Variants in EVC observed in about 807,000 individuals in gnomAD.
EVC encodes the protein evC complex member EVC.
Under a neutral mutation model 118.9 loss-of-function variants are expected in EVC, and 116 were observed. That is an observed-to-expected ratio of 0.98 (90% CI 0.84 to 1.14). The LOEUF (loss-of-function observed/expected upper bound fraction) is 1.14. Among genes scored for constraint, EVC ranks in the 50% most tolerant of loss-of-function variants. The pLI is 0.00. For synonymous variants in EVC, 619 were observed against 534.7 expected, an observed-to-expected ratio of 1.16 and a Z score of -2.18; for missense variants, 1,401 against 1,246.4, an observed-to-expected ratio of 1.12 and a Z score of -1.87.
At chr4:5,796,232 G>T (rs529168510) in intron 13 of EVC, among the ~76,000 whole-genome samples, 8 of 152,058 alleles carry the variant, frequency 5.3e-5, no homozygotes, top group African/African-American at 1.9e-4. Context: ...ATCATAATTA[G>T]TGTAAAGGTT....
At chr4:5,797,397 A>T in intron 14 of EVC, 165 bp downstream of exon 14, 1 of 665,762 alleles carries the variant, frequency 1.5e-6, no homozygotes, top group Non-Finnish European at 2.7e-6. Flanking sequence ...CAGACCGGGC[A>T]GCTTACACTG....
intron 4 of EVC, among the ~76,000 whole-genome samples, chr4:5,732,937 G>A (rs1727063148): frequency 6.6e-6 from 1 of 152,246 alleles, no homozygotes; most frequent in Non-Finnish European, 1.5e-5. Flanking sequence ...TTGAGCCCGG[G>A]AGGTGGAGGC....
At chr4:5,793,897 T>G (rs1713266979) in intron 13 of EVC, among the ~76,000 whole-genome samples, 180 bp downstream of exon 13, 1 of 152,212 alleles carries the variant, frequency 6.6e-6, no homozygotes, top group Admixed American at 6.5e-5. Context: ...TGCTATCTAT[T>G]TGATAGAGTT....
At chr4:5,735,047 C>T (rs575153487) in intron 5 of EVC, among the ~76,000 whole-genome samples, 6 of 152,320 alleles carry the variant, frequency 3.9e-5, no homozygotes, top group South Asian at 2.1e-4. Flanking sequence ...CTGGAGGGAG[C>T]GTTCAGCATC....
chr4:5,768,518 G>C (rs955859716), intron 11 of EVC, among the ~76,000 whole-genome samples: 2 of 152,084 alleles, frequency 1.3e-5, no homozygotes, highest in Admixed American at 6.5e-5. Context: ...ATAATCTCAC[G>C]TGGGTAAAGC....
intron 11 of EVC, among the ~76,000 whole-genome samples, chr4:5,771,619 A>T (rs545070525): frequency 6.6e-6 from 1 of 152,330 alleles, no homozygotes; most frequent in African/African-American, 2.4e-5. Flanking sequence ...TTGTTTATTG[A>T]AGGCCATGAA....
intron 17 of EVC, among the ~76,000 whole-genome samples, chr4:5,806,007 C>G (rs34877495): frequency 0.15 from 21,657 of 149,352 alleles, 1,714 homozygotes; most frequent in African/African-American, 0.17. Context: ...TACGTTTTAC[C>G]CATTAATTTC....
intron 11 of EVC, among the ~76,000 whole-genome samples, chr4:5,770,799 G>A (rs1733824212): frequency 1.3e-5 from 2 of 152,080 alleles, no homozygotes; most frequent in Non-Finnish European, 2.9e-5. Context: ...TACACCTGAA[G>A]TCCAGAGCTC....
chr4:5,777,020 G>A (rs1179016696), intron 11 of EVC, among the ~76,000 whole-genome samples: 1 of 152,104 alleles, frequency 6.6e-6, no homozygotes, highest in African/African-American at 2.4e-5. Context: ...CTGTGGGTTT[G>A]TTTCTGATGC....
At chr4:5,739,500 G>A (rs1331334169) in intron 5 of EVC, among the ~76,000 whole-genome samples, 1 of 152,170 alleles carries the variant, frequency 6.6e-6, no homozygotes, top group East Asian at 1.9e-4. Context: ...GCATGCCATG[G>A]AGATCAAGTG....
chr4:5,765,940 G>A (rs1412985046), intron 11 of EVC, among the ~76,000 whole-genome samples: 6 of 135,636 alleles, frequency 4.4e-5, no homozygotes, highest in Non-Finnish European at 9.5e-5. Context: ...ATTTGATCCT[G>A]TCATTATGAT....
At chr4:5,827,200 G>A in the EVC span, among the ~76,000 whole-genome samples, 5 of 152,318 alleles carry the variant, frequency 3.3e-5, no homozygotes, top group South Asian at 2.1e-4. Context: ...ACTGTTAACC[G>A]CAGGCCTCAG....
chr4:5,801,894 G>A, intron 15 of EVC, 56 bp from the exon 16 acceptor site: 1 of 1,593,690 alleles, frequency 6.3e-7, no homozygotes. Flanking sequence ...GATGGGCCGT[G>A]GGTGGCTCCC....
downstream of EVC, among the ~76,000 whole-genome samples, chr4:5,817,201 C>A (rs973584994): frequency 3.9e-5 from 6 of 152,192 alleles, no homozygotes; most frequent in African/African-American, 1.4e-4. Flanking sequence ...GACATTCTTC[C>A]TTCCAAATAC....
chr4:5,764,383 C>A (rs201886543), intron 11 of EVC, among the ~76,000 whole-genome samples: 28,421 of 128,056 alleles, frequency 0.22, 2,546 homozygotes, highest in East Asian at 0.43. Context: ...TGTGTCTCTG[C>A]CCAGCTTTGG....
chr4:5,772,290 C>T (rs557888227), intron 11 of EVC, among the ~76,000 whole-genome samples: 3 of 152,204 alleles, frequency 2.0e-5, no homozygotes, highest in Non-Finnish European at 4.4e-5. Flanking sequence ...CATGCTACCC[C>T]TCTTTCCTTT....
In EVC at chr4:5,755,785, G is replaced by A. The variant is rs750916; in HGVS notation, c.1465-479G>A. ...GCTGGCTGGGTCTCCCCCTGCTGAT[G>A]CCCGGGTTAGCCCAGTCTCCTGCTG... is the stretch of plus-strand genomic sequence containing the variant. On this transcript the variant is annotated intron_variant, in intron 10 of 20. Transcript: ENST00000264956. This position sits in a 1 kb window ranked among gnomAD's most constrained non-coding sequence, Gnocchi z 4.1. Among the ~76,000 whole-genome samples, 1 of 152,010 alleles carries A rather than the reference G, an allele frequency of 6.6e-6. No individual in the cohort carries two copies. The highest frequency in any genetic ancestry group is 1.5e-5 in the Non-Finnish European group (1 of 68,000).
intron 11 of EVC, among the ~76,000 whole-genome samples, chr4:5,757,263 T>C (rs1287620733): frequency 5.3e-5 from 8 of 152,150 alleles, no homozygotes; most frequent in African/African-American, 1.9e-4. Context: ...GGCTCCTGGG[T>C]GAAGGTGACG....
At chr4:5,822,499 G>T in the EVC span, among the ~76,000 whole-genome samples, 3 of 152,044 alleles carry the variant, frequency 2.0e-5, no homozygotes, top group African/African-American at 7.2e-5. Flanking sequence ...CTGAAGGGGG[G>T]GGGGGTGGTG....
Sources: gnomAD v4.1 joint callset for allele counts (sites outside exome capture counted in the v4.1 genomes callset) on GRCh38, gnomAD v4.1.1 for gene constraint, Gnocchi (gnomAD v3.1) non-coding constraint, MANE v1.5 for transcripts, NCBI Gene and HGNC (gene_info 2026-07-23, HGNC 2026-07-21) for gene names.